Variants in SUCLG2 observed in about 807,000 individuals in gnomAD.
SUCLG2 encodes the protein succinate-CoA ligase GDP-forming subunit beta, also known as succinate--CoA ligase [GDP-forming] subunit beta, mitochondrial.
In SUCLG2, 42 loss-of-function variants were observed where a neutral mutation model predicts 47.9. That is an observed-to-expected ratio of 0.88 (90% CI 0.69 to 1.14). The LOEUF (loss-of-function observed/expected upper bound fraction) is 1.14. Among genes scored for constraint, SUCLG2 ranks in the 50% most tolerant of loss-of-function variants. The probability of loss-of-function intolerance (pLI) is 0.00; values close to 1 mark genes in which losing one functional copy is unlikely to be tolerated. For missense variants in SUCLG2, 571 were observed against 525.9 expected (o/e 1.09, Z -0.84); for synonymous variants, 195 against 197.3 (o/e 0.99, Z 0.10).
intron 9 of SUCLG2, among the ~76,000 whole-genome samples, chr3:67,474,969 G>C (rs1310571896): frequency 1.3e-5 from 2 of 150,138 alleles, no homozygotes; most frequent in Non-Finnish European, 3.0e-5. Context: ...AGGTGTGAGT[G>C]TCCAGCTCCA....
intron 7 of SUCLG2, among the ~76,000 whole-genome samples, chr3:67,502,186 TA>T (rs1404171732): frequency 6.6e-6 from 1 of 152,226 alleles, no homozygotes; most frequent in Non-Finnish European, 1.5e-5. Flanking sequence ...GATACCTAGC[TA>T]GTGTCAGAGA....
intron 2 of SUCLG2, among the ~76,000 whole-genome samples, chr3:67,546,023 GT>G (rs1706853959): frequency 6.6e-6 from 1 of 152,120 alleles, no homozygotes; most frequent in Non-Finnish European, 1.5e-5. Flanking sequence ...TTCTTGGACT[GT>G]TTTCAAAACG....
At chr3:67,636,514 G>A (rs1324242147) in intron 1 of SUCLG2, among the ~76,000 whole-genome samples, 19 of 152,002 alleles carry the variant, frequency 1.2e-4, no homozygotes, top group South Asian at 6.2e-4. Context: ...CACTGCACCC[G>A]GCTAATTTTT....
chr3:67,593,303 T>C (rs1194538016), intron 2 of SUCLG2, among the ~76,000 whole-genome samples: 1 of 144,100 alleles, frequency 6.9e-6, no homozygotes, highest in Admixed American at 6.9e-5. Flanking sequence ...GCAAATAGCA[T>C]ATTTAATTGG....
intron 2 of SUCLG2, among the ~76,000 whole-genome samples, chr3:67,556,268 T>G (rs921516271): frequency 6.6e-6 from 1 of 152,148 alleles, no homozygotes; most frequent in Non-Finnish European, 1.5e-5. Flanking sequence ...GGGCTTTGTG[T>G]CCTGGGGGGC....
In SUCLG2 at chr3:67,366,061, C is replaced by T. The variant is rs1701870716; in HGVS notation, c.1184-5293G>A. On this transcript the variant is annotated intron_variant, in intron 10 of 10. Transcript: ENST00000493112. ...GATCTTTTCAATGCCTAAAACCTGCCCCTAAAGACATAAAATCCCTCACAC... is the reference window on the plus strand; with the variant it reads ...GATCTTTTCAATGCCTAAAACCTGCTCCTAAAGACATAAAATCCCTCACAC... 2.6e-5 allele frequency among the ~76,000 whole-genome samples: 4 copies of T among 152,204 alleles called. No individual in the cohort carries two copies. In the East Asian group the frequency reaches 5.8e-4, roughly 22 times the overall value.
Position 67,400,813 on chromosome 3 carries a change from G to C in SUCLG2, c.1101C>G (p.Val367=). Reference sequence around the variant, plus strand: ...TCCCATTGGCAATGATGGCACAGTTGACGATACCACCAAATATATTGACAA... The same window carrying C: ...TCCCATTGGCAATGATGGCACAGTTCACGATACCACCAAATATATTGACAA... ...AILVNIFGGI[V]NCAIIANGIT... is the part of the protein sequence containing the mutation. Residue 367 remains valine (V), a synonymous_variant, in exon 10 of 11, where the codon GTC becomes GTG. Coordinates refer to ENST00000307227, the MANE Select transcript of SUCLG2 (RefSeq NM_003848.4). The C allele has an allele frequency of 6.2e-7, 1 of 1,612,822 alleles. No individual in the cohort carries two copies.
At chr3:67,647,010 G>A (rs1417636491) in intron 1 of SUCLG2, among the ~76,000 whole-genome samples, 1 of 152,094 alleles carries the variant, frequency 6.6e-6, no homozygotes. Flanking sequence ...CCTTGCTCTT[G>A]TCTCTGGCCT....
At chr3:67,605,921 A>T (rs1200346686) in intron 2 of SUCLG2, among the ~76,000 whole-genome samples, 1 of 152,098 alleles carries the variant, frequency 6.6e-6, no homozygotes, top group African/African-American at 2.4e-5. Flanking sequence ...TTCTATTAAA[A>T]GCATGATACA....
At chr3:67,534,030 C>T (rs1176699156) in intron 2 of SUCLG2, among the ~76,000 whole-genome samples, 1 of 152,066 alleles carries the variant, frequency 6.6e-6, no homozygotes, top group African/African-American at 2.4e-5. Flanking sequence ...GACTGCTGCC[C>T]ATCAGAGATT....
chr3:67,393,991 G>A (rs893629911), intron 10 of SUCLG2, among the ~76,000 whole-genome samples: 3 of 152,022 alleles, frequency 2.0e-5, no homozygotes, highest in Non-Finnish European at 2.9e-5. Context: ...CTAACAAACA[G>A]AAAGGACATC....
intron 6 of SUCLG2, among the ~76,000 whole-genome samples, chr3:67,509,489 A>G (rs2107100016): frequency 6.6e-6 from 1 of 152,334 alleles, no homozygotes; most frequent in African/African-American, 2.4e-5. Context: ...GGGCAAGAAT[A>G]TCCAAGGTTG....
intron 2 of SUCLG2, among the ~76,000 whole-genome samples, chr3:67,577,521 C>T (rs1283785649): frequency 1.3e-5 from 2 of 152,020 alleles, no homozygotes; most frequent in Admixed American, 6.6e-5. Context: ...CTGATGTAAA[C>T]ATTAAATTTT....
intron 9 of SUCLG2, among the ~76,000 whole-genome samples, chr3:67,442,049 C>G (rs1263607876): frequency 6.9e-6 from 1 of 143,914 alleles, no homozygotes; most frequent in African/African-American, 2.6e-5. Flanking sequence ...CTCGCTCTGT[C>G]GCCCAGGCTG....
At chr3:67,640,671 G>A (rs758972096) in intron 1 of SUCLG2, among the ~76,000 whole-genome samples, 10 of 152,014 alleles carry the variant, frequency 6.6e-5, no homozygotes, top group Admixed American at 2.0e-4. Flanking sequence ...TGGCATAACC[G>A]CACCCACTTT....
intron 7 of SUCLG2, among the ~76,000 whole-genome samples, chr3:67,505,261 AACC>A (rs1705603989): frequency 6.6e-6 from 1 of 152,194 alleles, no homozygotes; most frequent in Non-Finnish European, 1.5e-5. Flanking sequence ...AGGGCTGGAG[AACC>A]AGCAAATCCC....
intron 7 of SUCLG2, among the ~76,000 whole-genome samples, chr3:67,499,736 A>C (rs1705446591): frequency 6.6e-6 from 1 of 151,594 alleles, no homozygotes. Context: ...TTATTTATTT[A>C]TTTATTTATT....
chr3:67,515,892 T>C (rs1212296234), intron 6 of SUCLG2, among the ~76,000 whole-genome samples: 1 of 152,072 alleles, frequency 6.6e-6, no homozygotes, highest in East Asian at 1.9e-4. Flanking sequence ...CACTCAGGTG[T>C]CCCTAGATGA....
At chr3:67,464,843 TG>T (rs1704430847) in intron 9 of SUCLG2, among the ~76,000 whole-genome samples, 1 of 152,168 alleles carries the variant, frequency 6.6e-6, no homozygotes, top group South Asian at 2.1e-4. Context: ...AGTCTTCAAC[TG>T]GTTTGAAGGT....
Sources: gnomAD v4.1 joint callset for allele counts (sites outside exome capture counted in the v4.1 genomes callset) on GRCh38, gnomAD v4.1.1 for gene constraint, MANE v1.5 for transcripts, NCBI Gene and HGNC (gene_info 2026-07-23, HGNC 2026-07-21) for gene names.